Variants in SCAI observed in about 807,000 individuals in gnomAD.
The protein encoded by SCAI is suppressor of cancer cell invasion, also known as protein SCAI.
Under a neutral mutation model 92.2 loss-of-function variants are expected in SCAI, and 24 were observed. The ratio of observed to expected loss-of-function variants is 0.26; its 90% confidence interval spans 0.19 to 0.37. SCAI has a LOEUF of 0.37. Among genes scored for constraint, SCAI ranks in the 10% least tolerant of loss-of-function variants. SCAI has a pLI of 1.00. For synonymous variants in SCAI, 261 were observed against 258.6 expected (o/e 1.01, Z -0.09); for missense variants, 450 against 736.2 (o/e 0.61, Z 4.50).
intron 2 of SCAI, among the ~76,000 whole-genome samples, chr9:125,115,370 C>CTA (rs1835021211): frequency 1.9e-5 from 1 of 52,424 alleles, no homozygotes; most frequent in Admixed American, 2.6e-4. Context: ...AGACTCTCCT[C>CTA]AAAAAAAAAA....
chr9:124,953,595 C>T (rs957126064), intron 17 of SCAI, among the ~76,000 whole-genome samples: 1 of 152,102 alleles, frequency 6.6e-6, no homozygotes, highest in Non-Finnish European at 1.5e-5. Flanking sequence ...CATTGCACTC[C>T]AGCCCAGGTG....
intron 2 of SCAI, among the ~76,000 whole-genome samples, chr9:125,117,457 G>C (rs892694835): frequency 6.6e-6 from 1 of 152,046 alleles, no homozygotes; most frequent in East Asian, 1.9e-4. Context: ...CCTGAGGTCA[G>C]GAGTTCGAGA....
At chr9:125,080,798 C>T (rs1433750574) in intron 2 of SCAI, among the ~76,000 whole-genome samples, 2 of 152,184 alleles carry the variant, frequency 1.3e-5, no homozygotes, top group Non-Finnish European at 2.9e-5. Flanking sequence ...CCATCAATCA[C>T]AATCCACTGT....
At chr9:125,089,025 C>T (rs1834377483) in intron 2 of SCAI, among the ~76,000 whole-genome samples, 1 of 152,162 alleles carries the variant, frequency 6.6e-6, no homozygotes, top group Non-Finnish European at 1.5e-5. Flanking sequence ...AGGCAGATCG[C>T]CCCAGCTAAG....
chr9:125,043,684 G>A (rs930887373), intron 3 of SCAI, among the ~76,000 whole-genome samples: 1 of 152,162 alleles, frequency 6.6e-6, no homozygotes, highest in African/African-American at 2.4e-5. Flanking sequence ...ACAGTGGTGC[G>A]ATCTCCACTC....
chr9:125,018,554 C>T (rs1832808737), intron 9 of SCAI, among the ~76,000 whole-genome samples: 1 of 152,174 alleles, frequency 6.6e-6, no homozygotes, highest in Non-Finnish European at 1.5e-5. Context: ...AATAATTCTG[C>T]TTCCTGGCTC....
chr9:124,971,877 A>C (rs1479370775), intron 15 of SCAI, 33 bp from the exon 16 acceptor site: 2 of 1,416,662 alleles, frequency 1.4e-6, no homozygotes, highest in South Asian at 1.5e-5. Context: ...TATATAGACA[A>C]TAGTTTTGCA....
At chr9:125,060,152 AT>A (rs902179521) in intron 2 of SCAI, among the ~76,000 whole-genome samples, 74 of 152,206 alleles carry the variant, frequency 4.9e-4, no homozygotes, top group African/African-American at 1.7e-3. Flanking sequence ...AAGTGTAGTC[AT>A]TAGCCTTTTG....
chr9:125,004,764 TATATATA>T (rs1176235317), intron 9 of SCAI, among the ~76,000 whole-genome samples: 55 of 10,380 alleles, frequency 5.3e-3, no homozygotes, highest in Non-Finnish European at 7.8e-3. Context: ...TATATATATA[TATATATA>T]TATATATATT....
intron 17 of SCAI, among the ~76,000 whole-genome samples, chr9:124,971,095 G>A (rs1042816633): frequency 6.6e-6 from 1 of 152,046 alleles, no homozygotes; most frequent in Non-Finnish European, 1.5e-5. Context: ...GATTACAGGC[G>A]GGAGCCACCA....
intron 9 of SCAI, among the ~76,000 whole-genome samples, chr9:125,005,199 C>A (rs971143749): frequency 2.6e-5 from 4 of 152,068 alleles, no homozygotes; most frequent in Admixed American, 2.6e-4. Flanking sequence ...CAGGAACACA[C>A]ATGATAATAA....
At chr9:125,018,716 T>A in intron 9 of SCAI, 83 bp downstream of exon 9, 1 of 1,218,018 alleles carries the variant, frequency 8.2e-7, no homozygotes, top group Non-Finnish European at 1.2e-6. Context: ...TGTTAGGATA[T>A]TTATAAGAAA....
intron 2 of SCAI, among the ~76,000 whole-genome samples, chr9:125,075,564 ATT>A (rs573518384): frequency 8.8e-4 from 115 of 129,998 alleles, no homozygotes; most frequent in African/African-American, 2.7e-3. Context: ...CGTCCAGCTA[ATT>A]TTTTTTTTTT....
rs552184908 is a variant in SCAI, at chr9:125,124,486, C to T, written c.98+18147G>A. Among the ~76,000 whole-genome samples, 6 of 152,194 alleles carry T rather than the reference C, an allele frequency of 3.9e-5. No individual in the cohort carries two copies. The South Asian group carries it at 1.2e-3, about 32-fold the overall frequency. On this transcript the variant is annotated intron_variant, in intron 2 of 17. Transcript: ENST00000336505. ...ATACAACAGCTACCATGCTCAAGAGCCAAAGTTTTGGTTCAAGTCCAAAGG... is the reference window on the plus strand; with the variant it reads ...ATACAACAGCTACCATGCTCAAGAGTCAAAGTTTTGGTTCAAGTCCAAAGG...
In SCAI at chr9:125,006,505, C is replaced by CATTT. The variant is rs1174318915; in HGVS notation, c.862-2939_862-2936dup. Among the ~76,000 whole-genome samples the CATTT allele has an allele frequency of 5.9e-5, 9 of 151,998 alleles. No homozygotes were observed. The East Asian group carries it at 9.8e-4, about 17-fold the overall frequency. On this transcript the variant is annotated intron_variant, in intron 9 of 17. Transcript: ENST00000336505. ...ACATTCATTCATTCATTCATTCATT[C>CATTT]ATTTGAGACGGAGTCTCGCTCTGTC...
Position 125,021,353 on chromosome 9 carries a change from A to G in SCAI, c.513-584T>C, listed in dbSNP as rs953440787. 5.9e-5 allele frequency among the ~76,000 whole-genome samples: 9 copies of G among 152,114 alleles called. No individual in the cohort carries two copies. The South Asian group carries it at 6.2e-4, about 11-fold the overall frequency. On this transcript the variant is annotated intron_variant, in intron 6 of 17. Coordinates refer to ENST00000336505, the MANE Select transcript of SCAI (RefSeq NM_001144877.3). ...CTAGGTTTATATCTACCACCTTGCT[A>G]TTTGTTTCCTACTTGCTCCTTCTCT...
At chr9:124,993,621 C>G (rs1365495164) in intron 14 of SCAI, among the ~76,000 whole-genome samples, 1 of 152,064 alleles carries the variant, frequency 6.6e-6, no homozygotes, top group African/African-American at 2.4e-5. Context: ...ACACTGCTAA[C>G]TTTCCTAAAA....
At chr9:125,143,105 C>T (rs1195564812) in intron 1 of SCAI, among the ~76,000 whole-genome samples, 1 of 151,438 alleles carries the variant, frequency 6.6e-6, no homozygotes, top group Non-Finnish European at 1.5e-5. Flanking sequence ...TTCCACGGCC[C>T]CTCCGGGGGC....
chr9:125,138,470 A>C (rs1340063147), intron 2 of SCAI, among the ~76,000 whole-genome samples: 4 of 151,398 alleles, frequency 2.6e-5, no homozygotes, highest in African/African-American at 7.3e-5. Context: ...GCTGGAGTGC[A>C]GTGGTATGAG....
Sources: gnomAD v4.1 joint callset for allele counts (sites outside exome capture counted in the v4.1 genomes callset) on GRCh38, gnomAD v4.1.1 for gene constraint, MANE v1.5 for transcripts, NCBI Gene and HGNC (gene_info 2026-07-23, HGNC 2026-07-21) for gene names.